The following CSMD1 variants were observed in gnomAD, a reference collection of about 807,000 sequenced individuals.
The protein encoded by CSMD1 is CUB and Sushi multiple domains 1.
CSMD1 carries 213 observed loss-of-function variants against 417.5 expected under a neutral mutation model. That is an observed-to-expected ratio of 0.51 (90% CI 0.46 to 0.57). The LOEUF (loss-of-function observed/expected upper bound fraction) is 0.57. Among genes scored for constraint, CSMD1 ranks in the 20% least tolerant of loss-of-function variants. The probability of loss-of-function intolerance (pLI) is 0.00; values close to 1 mark genes in which losing one functional copy is unlikely to be tolerated. For synonymous variants in CSMD1, 2,862 were observed against 1,736.8 expected (o/e 1.65, Z -16.11); for missense variants, 6,923 against 4,529.7 (o/e 1.53, Z -15.17).
chr8:3,705,519 C>T (rs1034758412), intron 7 of CSMD1, among the ~76,000 whole-genome samples: 1 of 152,206 alleles, frequency 6.6e-6, no homozygotes, highest in African/African-American at 2.4e-5. Context: ...ACTTCTTTTA[C>T]TCCCAGGGGA....
At chr8:3,060,907 G>C (rs1182147882) in intron 49 of CSMD1, among the ~76,000 whole-genome samples, 2 of 152,174 alleles carry the variant, frequency 1.3e-5, no homozygotes, top group African/African-American at 4.8e-5. Flanking sequence ...CTCCGGAGGA[G>C]AGATGCTGTG....
intron 1 of CSMD1, among the ~76,000 whole-genome samples, chr8:4,758,326 T>C (rs577136471): frequency 4.6e-5 from 7 of 152,198 alleles, no homozygotes; most frequent in Non-Finnish European, 1.0e-4. Flanking sequence ...CTGGTTCTGA[T>C]TCTTTGTGTT....
At chr8:3,245,211 A>C (rs1439561802) in intron 26 of CSMD1, among the ~76,000 whole-genome samples, 1 of 152,184 alleles carries the variant, frequency 6.6e-6, no homozygotes, top group Non-Finnish European at 1.5e-5. Context: ...TCAAAACCTT[A>C]GTAGTTGTCC....
At chr8:3,116,041 C>A (rs1368040693) in intron 42 of CSMD1, among the ~76,000 whole-genome samples, 2 of 152,138 alleles carry the variant, frequency 1.3e-5, no homozygotes, top group South Asian at 2.1e-4. Flanking sequence ...GACTGAAGTG[C>A]CATATAACTG....
chr8:3,404,154 T>C (rs1215026379), intron 15 of CSMD1, among the ~76,000 whole-genome samples: 1 of 151,986 alleles, frequency 6.6e-6, no homozygotes, highest in Non-Finnish European at 1.5e-5. Context: ...GCCAACATGT[T>C]GAAACGTCCC....
intron 3 of CSMD1, among the ~76,000 whole-genome samples, chr8:4,077,100 C>T (rs534827036): frequency 9.9e-5 from 15 of 151,596 alleles, no homozygotes; most frequent in African/African-American, 2.9e-4. Flanking sequence ...ATTTTAAGCC[C>T]CTACTTCATT....
intron 3 of CSMD1, among the ~76,000 whole-genome samples, chr8:4,089,367 G>C (rs1034094946): frequency 1.3e-5 from 2 of 152,166 alleles, no homozygotes. Flanking sequence ...TCACTGAGAA[G>C]ACATTTTCAG....
At chr8:3,655,529 G>A (rs1033688208) in intron 7 of CSMD1, among the ~76,000 whole-genome samples, 28 of 152,158 alleles carry the variant, frequency 1.8e-4, no homozygotes, top group Admixed American at 7.9e-4. Context: ...ACTGCACAGT[G>A]CACCTGCTGG....
chr8:4,747,096 G>C (rs1054500735), intron 1 of CSMD1, among the ~76,000 whole-genome samples: 5 of 152,172 alleles, frequency 3.3e-5, no homozygotes, highest in Non-Finnish European at 7.3e-5. Flanking sequence ...GCACGACACA[G>C]GAATGGCAGG....
intron 49 of CSMD1, among the ~76,000 whole-genome samples, chr8:3,083,610 TTATATATATATATATATATATATA>T (rs1554507974): frequency 3.2e-5 from 1 of 30,930 alleles, no homozygotes; most frequent in Non-Finnish European, 5.4e-5. Context: ...ACCATAATTT[TTATATATATATATATATATATATA>T]TATATATATA....
chr8:4,235,191 T>C (rs1180067641), intron 3 of CSMD1, among the ~76,000 whole-genome samples: 1 of 152,148 alleles, frequency 6.6e-6, no homozygotes, highest in Non-Finnish European at 1.5e-5. Flanking sequence ...ATCTCTCTCC[T>C]GTCCAAACTC....
At chr8:3,398,270 C>A (rs997747508) in intron 16 of CSMD1, among the ~76,000 whole-genome samples, 5 of 152,180 alleles carry the variant, frequency 3.3e-5, no homozygotes, top group South Asian at 2.1e-4. Context: ...ACGTAATCAA[C>A]TGAATACTTA....
chr8:4,322,526 A>T (rs1206561849), intron 3 of CSMD1, among the ~76,000 whole-genome samples: 1 of 152,192 alleles, frequency 6.6e-6, no homozygotes, highest in South Asian at 2.1e-4. Context: ...CTGTATAAAA[A>T]CATAACATTT....
intron 49 of CSMD1, among the ~76,000 whole-genome samples, chr8:3,080,912 A>G (rs765894212): frequency 2.0e-4 from 31 of 152,186 alleles, no homozygotes; most frequent in Admixed American, 1.1e-3. Context: ...CTCTAAAAAT[A>G]TGATGCGTCT....
At chr8:4,732,348 T>TGTGC (rs1809944994) in intron 1 of CSMD1, among the ~76,000 whole-genome samples, 1 of 144,454 alleles carries the variant, frequency 6.9e-6, no homozygotes, top group Non-Finnish European at 1.5e-5. Flanking sequence ...CTTCTGCGTG[T>TGTGC]GTGTGTGTGT....
chr8:4,095,175 T>C (rs1024327563), intron 3 of CSMD1, among the ~76,000 whole-genome samples: 4 of 152,180 alleles, frequency 2.6e-5, no homozygotes, highest in East Asian at 1.9e-4. Flanking sequence ...TGGGGACGGA[T>C]AGCCACAGCG....
rs930235222 is a variant in CSMD1 at position 3,772,893 on chromosome 8, A to G, written c.819-18851T>C. Among the ~76,000 whole-genome samples the G allele has an allele frequency of 3.3e-5, 5 of 152,066 alleles. No individual in the cohort carries two copies. The East Asian group carries it at 5.8e-4, about 18-fold the overall frequency. On this transcript the variant is annotated intron_variant, in intron 5 of 69. Transcript: ENST00000635120. The stretch of plus-strand genomic sequence containing the variant: ...CATTCAGGGTGACAATGAAAATATC[A>G]CAGATGAGGGCTGATAAAAGACATG...
rs147056301 is a variant in CSMD1 at position 3,084,021 on chromosome 8, G to C, written c.7474+3076C>G. On this transcript the variant is annotated intron_variant, in intron 49 of 69. Coordinates refer to ENST00000635120, the MANE Select transcript of CSMD1 (RefSeq NM_033225.6). Reference sequence around the variant, plus strand: ...CCCTTGGAAGGAAACAAATCTTTTTGTTGTTGTTGTTGTCATTTCTCCTTG... The same window carrying C: ...CCCTTGGAAGGAAACAAATCTTTTTCTTGTTGTTGTTGTCATTTCTCCTTG... Among the ~76,000 whole-genome samples, 534 of 151,996 alleles carry C rather than the reference G, an allele frequency of 3.5e-3. 3 individuals are homozygous for C. Among genetic ancestry groups the C allele is most frequent in the African/African-American group, 0.012 (510 of 41,450 alleles).
At chr8:3,981,712 G>T (rs2554722) in intron 5 of CSMD1, among the ~76,000 whole-genome samples, 34,124 of 151,802 alleles carry the variant, frequency 0.22, 3,900 homozygotes, top group Middle Eastern at 0.25. Flanking sequence ...TTTTGTATTT[G>T]ATTTCTTCAG....
Sources: gnomAD v4.1 joint callset for allele counts (sites outside exome capture counted in the v4.1 genomes callset) on GRCh38, gnomAD v4.1.1 for gene constraint, MANE v1.5 for transcripts, NCBI Gene and HGNC (gene_info 2026-07-23, HGNC 2026-07-21) for gene names.